The following RBFOX2 variants were observed in gnomAD, a reference collection of about 807,000 sequenced individuals.
The protein encoded by RBFOX2 is RNA binding fox-1 homolog 2.
A neutral mutation model predicts 49.1 loss-of-function variants in RBFOX2; 10 were observed. The ratio of observed to expected loss-of-function variants is 0.20; its 90% CI spans 0.13 to 0.35. The LOEUF (loss-of-function observed/expected upper bound fraction) is 0.35. Ranked by LOEUF, RBFOX2 falls within the 10% of genes least tolerant of loss-of-function variation. RBFOX2 has a pLI of 1.00. For synonymous variants in RBFOX2, 183 were observed against 187.4 expected (o/e 0.98, Z 0.19); for missense variants, 323 against 486.9 (o/e 0.66, Z 3.17).
At chr22:35,814,883 C>G (rs1005894082) in intron 1 of RBFOX2, among the ~76,000 whole-genome samples, 13 of 152,046 alleles carry the variant, frequency 8.6e-5, no homozygotes, top group African/African-American at 2.9e-4. Flanking sequence ...GAGACCCTGT[C>G]TCCTAAAAAG....
At chr22:35,766,935 G>T (rs1022173123) in intron 5 of RBFOX2, among the ~76,000 whole-genome samples, 2 of 152,206 alleles carry the variant, frequency 1.3e-5, no homozygotes, top group African/African-American at 4.8e-5. Flanking sequence ...GAAAAAGAGA[G>T]TAAGGTAGGG....
intron 1 of RBFOX2, among the ~76,000 whole-genome samples, chr22:35,953,352 A>T (rs1165486228): frequency 6.6e-6 from 1 of 152,194 alleles, no homozygotes; most frequent in African/African-American, 2.4e-5. Flanking sequence ...GATATATGCT[A>T]CAACATGGAT....
chr22:35,922,015 T>A (rs2051079790), intron 1 of RBFOX2, among the ~76,000 whole-genome samples: 1 of 152,026 alleles, frequency 6.6e-6, no homozygotes, highest in Non-Finnish European at 1.5e-5. Flanking sequence ...AGTTAGAAAA[T>A]TTTCCTAAGC....
intron 1 of RBFOX2, chr22:35,898,360 C>A: frequency 1.3e-5 from 8 of 626,058 alleles, no homozygotes; most frequent in East Asian, 6.4e-5. Flanking sequence ...CAGAATGTGA[C>A]ATTGGCAGGG....
chr22:35,849,741 A>G (rs2041687512), intron 1 of RBFOX2, among the ~76,000 whole-genome samples: 1 of 152,206 alleles, frequency 6.6e-6, no homozygotes, highest in South Asian at 2.1e-4. Flanking sequence ...GCTGACCTCC[A>G]GTCTACGCAG....
chr22:35,812,681 T>TA (rs1409775716), intron 1 of RBFOX2, among the ~76,000 whole-genome samples: 1 of 152,214 alleles, frequency 6.6e-6, no homozygotes, highest in Non-Finnish European at 1.5e-5. Flanking sequence ...CAGGAATCCA[T>TA]AAGAAAGTTC....
At chr22:35,862,486 A>G (rs1187680933) in intron 1 of RBFOX2, among the ~76,000 whole-genome samples, 1 of 152,104 alleles carries the variant, frequency 6.6e-6, no homozygotes, top group East Asian at 1.9e-4. Context: ...CCTTCTGATC[A>G]GTCTAGATTA....
rs1416109417 is a variant in RBFOX2 at position 35,970,444 on chromosome 22, C to A, written c.187-31547G>T. ...CAGGAGGACTGCTCAAGGTCAGGAG[C>A]TCAAGACCAGCCTGGGCAATACAGT... On this transcript the variant is annotated intron_variant, in intron 1 of 13. Coordinates refer to the RBFOX2 transcript ENST00000438146. Among the ~76,000 whole-genome samples the A allele has an allele frequency of 2.0e-5, 3 of 151,264 alleles. No homozygotes were observed. The East Asian group carries it at 5.8e-4, about 29-fold the overall frequency.
At chr22:35,943,189 A>T (rs1377445756), upstream of RBFOX2, among the ~76,000 whole-genome samples, 2 of 152,266 alleles carry the variant, frequency 1.3e-5, no homozygotes, top group Non-Finnish European at 2.9e-5. Flanking sequence ...CCAGTCGAAT[A>T]GTGGGAAAGA....
At chr22:35,941,010 C>T (rs74858393), upstream of RBFOX2, among the ~76,000 whole-genome samples, 3,675 of 152,148 alleles carry the variant, frequency 0.024, 159 homozygotes, top group African/African-American at 0.084. Flanking sequence ...GTGATGGATG[C>T]ACACATCCAT....
chr22:35,980,246 T>C (rs9619580), intron 1 of RBFOX2, among the ~76,000 whole-genome samples: 2,835 of 151,490 alleles, frequency 0.019, 99 homozygotes, highest in African/African-American at 0.065. Flanking sequence ...TGAACACCCA[T>C]AAATAGGAAA....
intron 9 of RBFOX2, among the ~76,000 whole-genome samples, chr22:35,752,406 A>G (rs1320392256): frequency 6.6e-6 from 1 of 152,208 alleles, no homozygotes; most frequent in East Asian, 1.9e-4. Flanking sequence ...AGGAGCACTT[A>G]ATTTTAGAGG....
chr22:35,840,106 A>C, intron 1 of RBFOX2: 1 of 1,517,282 alleles, frequency 6.6e-7, no homozygotes, highest in Non-Finnish European at 9.1e-7. Flanking sequence ...AATGATTAAA[A>C]CTCTTCTTAC....
chr22:35,746,231 A>G (rs918277919), intron 10 of RBFOX2, among the ~76,000 whole-genome samples: 1 of 152,228 alleles, frequency 6.6e-6, no homozygotes, highest in African/African-American at 2.4e-5. Flanking sequence ...TGAGGAAGAG[A>G]GGGACTGGAG....
intron 1 of RBFOX2, among the ~76,000 whole-genome samples, chr22:35,905,541 GA>G (rs1460657850): frequency 6.6e-6 from 1 of 152,288 alleles, no homozygotes; most frequent in African/African-American, 2.4e-5. Flanking sequence ...GGTCTTTAAA[GA>G]AGGGAAAATC....
intron 1 of RBFOX2, among the ~76,000 whole-genome samples, chr22:36,026,202 T>A (rs1327873440): frequency 1.4e-5 from 2 of 141,582 alleles, no homozygotes; most frequent in African/African-American, 5.3e-5. Context: ...GAGGTGGAGG[T>A]GGAGGTGGAG....
At chr22:35,801,786 C>G (rs1949840014) in intron 2 of RBFOX2, among the ~76,000 whole-genome samples, 1 of 152,114 alleles carries the variant, frequency 6.6e-6, no homozygotes, top group Non-Finnish European at 1.5e-5. Context: ...GATCACGCCA[C>G]TGCACTCCAG....
Position 35,749,474 on chromosome 22 carries a change from T to G in RBFOX2, c.888-2913A>C, listed in dbSNP as rs1934068436. Among the ~76,000 whole-genome samples the G allele has an allele frequency of 6.6e-6, 1 of 152,118 alleles. No individual in the cohort carries two copies. The highest frequency in any genetic ancestry group is 1.5e-5 in the Non-Finnish European group (1 of 68,010). ...CTACTCCAAAAGTAGAAAAATTAAT[T>G]GTGTATCATGGATGTATTCCTCTCT... On this transcript the variant is annotated intron_variant, in intron 9 of 11. Transcript: ENST00000405409. The surrounding 1 kb of genome is among the most constrained non-coding windows in gnomAD (Gnocchi z 4.1).
intron 1 of RBFOX2, among the ~76,000 whole-genome samples, chr22:35,914,646 CA>C (rs2050200407): frequency 6.6e-6 from 1 of 152,206 alleles, no homozygotes; most frequent in African/African-American, 2.4e-5. Flanking sequence ...AAGAGTTAAA[CA>C]TTCAGTCTCA....
Sources: gnomAD v4.1 joint callset for allele counts (sites outside exome capture counted in the v4.1 genomes callset) on GRCh38, gnomAD v4.1.1 for gene constraint, Gnocchi (gnomAD v3.1) non-coding constraint, MANE v1.5 for transcripts, NCBI Gene and HGNC (gene_info 2026-07-23, HGNC 2026-07-21) for gene names.